The following RGS10 variants were observed in gnomAD, a reference collection of about 807,000 sequenced individuals.
RGS10 encodes regulator of G-protein signalling 10.
A neutral mutation model predicts 23.5 loss-of-function variants in RGS10; 11 were observed. That is an observed-to-expected ratio of 0.47 (90% CI 0.29 to 0.77). The LOEUF is 0.77. Ranked by LOEUF, RGS10 falls within the 30% of genes least tolerant of loss-of-function variation. The pLI is 0.08. For synonymous variants in RGS10, 77 were observed against 83.2 expected (o/e 0.92, Z 0.41); for missense variants, 180 against 226.3 (o/e 0.80, Z 1.31).
chr10:119,504,853 C>G (rs1015780381), intron 4 of RGS10, among the ~76,000 whole-genome samples: 8 of 152,192 alleles, frequency 5.3e-5, no homozygotes, highest in Non-Finnish European at 8.8e-5. Flanking sequence ...CGCCACCACC[C>G]ACCAGAGTCT....
chr10:119,503,967 T>A (rs1464647736), intron 4 of RGS10, among the ~76,000 whole-genome samples: 1 of 152,072 alleles, frequency 6.6e-6, no homozygotes, highest in African/African-American at 2.4e-5. Flanking sequence ...GTTCAGCCCA[T>A]AACAGTGAGC....
chr10:119,528,553 A>G (rs1197601100), intron 1 of RGS10, among the ~76,000 whole-genome samples: 1 of 152,172 alleles, frequency 6.6e-6, no homozygotes, highest in East Asian at 1.9e-4. Flanking sequence ...ATCTTTTAAA[A>G]CACTGCATTA....
intron 4 of RGS10, among the ~76,000 whole-genome samples, chr10:119,502,144 CA>C (rs1429612534): frequency 1.3e-5 from 2 of 151,168 alleles, no homozygotes; most frequent in Admixed American, 6.6e-5. Flanking sequence ...AAAAAAAAAA[CA>C]AACTTTTTTT....
Position 119,500,027 on chromosome 10 carries a change from A to T in RGS10, c.*86T>A, listed in dbSNP as rs1028632256. On this transcript the variant is annotated 3_prime_UTR_variant, in exon 5 of 5. Transcript: ENST00000369103. ...GGTTTTGTACATTTCAGTCCTTACA[A>T]ATAACAAAGCAATGATAAACCCGGC... 39 of 1,422,790 alleles carry T rather than the reference A, an allele frequency of 2.7e-5. No individual in the cohort carries two copies. The highest frequency in any genetic ancestry group is 1.9e-6 in the Non-Finnish European group (2 of 1,045,136). 88.1% of individuals were successfully genotyped at this position (1,422,790 alleles called of 1,614,324 possible).
intron 2 of RGS10, 94 bp from the exon 3 acceptor site, chr10:119,526,212 T>C (rs1391543383): frequency 4.8e-6 from 3 of 625,634 alleles, no homozygotes; most frequent in Non-Finnish European, 8.0e-6. Flanking sequence ...TTTGGCAAAA[T>C]TCAACAGAGG....
At chr10:119,511,878 C>T in intron 4 of RGS10, among the ~76,000 whole-genome samples, 1 of 152,084 alleles carries the variant, frequency 6.6e-6, no homozygotes, top group East Asian at 1.9e-4. Flanking sequence ...CCTCTTGCTG[C>T]TCATCACTCC....
chr10:119,504,880 C>G (rs765314827), intron 4 of RGS10, among the ~76,000 whole-genome samples: 1 of 152,210 alleles, frequency 6.6e-6, no homozygotes, highest in Non-Finnish European at 1.5e-5. Context: ...GAACAGGGCC[C>G]TGCCAACACC....
intron 4 of RGS10, among the ~76,000 whole-genome samples, chr10:119,511,132 CCAACGGCAGCCTTTGACT>C (rs755939851): frequency 5.8e-4 from 89 of 152,290 alleles, no homozygotes; most frequent in Non-Finnish European, 1.1e-3. Context: ...TTAAATTTGT[CCAACGGCAGCCTTTGACT>C]CTAGGCTAAC....
At chr10:119,520,324 C>A (rs544151261) in intron 3 of RGS10, among the ~76,000 whole-genome samples, 11 of 152,152 alleles carry the variant, frequency 7.2e-5, no homozygotes, top group African/African-American at 1.2e-4. Flanking sequence ...AAGCCAAGCC[C>A]CTGAACAGGT....
chr10:119,515,012 C>T (rs1844125724), intron 4 of RGS10, among the ~76,000 whole-genome samples: 1 of 152,184 alleles, frequency 6.6e-6, no homozygotes, highest in African/African-American at 2.4e-5. Flanking sequence ...GAATATGCTG[C>T]CCAATGCTAA....
At chr10:119,531,165 T>A (rs778489313) in intron 1 of RGS10, among the ~76,000 whole-genome samples, 1 of 152,214 alleles carries the variant, frequency 6.6e-6, no homozygotes, top group African/African-American at 2.4e-5. Context: ...TTCCACTAAT[T>A]TACTCTTCTG....
intron 4 of RGS10, among the ~76,000 whole-genome samples, chr10:119,507,467 C>G (rs752998486): frequency 6.6e-6 from 1 of 152,146 alleles, no homozygotes; most frequent in Non-Finnish European, 1.5e-5. Flanking sequence ...GCATTTTTCC[C>G]CTCTTACGTT....
intron 4 of RGS10, 132 bp from the exon 5 acceptor site, chr10:119,500,391 T>C (rs750626264): frequency 6.2e-6 from 5 of 812,286 alleles, no homozygotes; most frequent in Non-Finnish European, 9.2e-6. Context: ...CTAAGAAAGC[T>C]CAAATAAGTC....
In RGS10 at chr10:119,539,932, C is replaced by T. The variant is rs568455666; in HGVS notation, c.49+2658G>A. 3.2e-4 allele frequency among the ~76,000 whole-genome samples: 47 copies of T among 148,466 alleles called. No individual in the cohort carries two copies. The South Asian group carries it at 6.1e-3, about 19-fold the overall frequency. ...CTGAAGTTTATACAATTTGAGGATC[C>T]TCTTTAAGAAAAATAATTCAAAATT... On this transcript the variant is annotated intron_variant, in intron 1 of 4. Coordinates refer to ENST00000369103, the MANE Select transcript of RGS10 (RefSeq NM_001005339.2).
rs11199005 is a variant in RGS10, at chr10:119,536,517, G to A, written c.49+6073C>T. ...GTTCCACGCAGACCAACAATCCACT[G>A]CCTTCCCAGAGACGCCTTGTGTGAG... On this transcript the variant is annotated intron_variant, in intron 1 of 4. Transcript: ENST00000369103. 0.077 allele frequency: 123,371 copies of A among 1,607,164 alleles called. 5,368 individuals carry two copies. The highest frequency in any genetic ancestry group is 0.097 in the Middle Eastern group (590 of 6,052).
At chr10:119,526,224 G>T (rs2133956342) in intron 2 of RGS10, 106 bp from the exon 3 acceptor site, 1 of 560,908 alleles carries the variant, frequency 1.8e-6, no homozygotes, top group African/African-American at 1.9e-5. Context: ...CAACAGAGGA[G>T]CATGGTTCAG....
At position 119,527,336 on chromosome 10, in the gene RGS10, C is replaced by T; in HGVS notation, c.138G>A (p.Leu46=). ...ATCTTTTCACGCCTTCTGGGTCTTC[C>T]AGCAGATTCTCCAGGGATGCCGCCC... ...AKWAASLENL[L]EDPEGVKRFR... Residue 46 remains leucine, a synonymous_variant, in exon 2 of 5, where the codon CTG becomes CTA. Transcript: ENST00000369103. This position sits in a 1 kb window ranked among gnomAD's most constrained non-coding sequence, Gnocchi z 4.2. 7 of 1,614,082 alleles carry T rather than the reference C, an allele frequency of 4.3e-6. No homozygotes were observed. The highest frequency in any genetic ancestry group is 5.9e-6 in the Non-Finnish European group (7 of 1,179,928).
At chr10:119,514,887 C>G (rs1260873529) in intron 4 of RGS10, among the ~76,000 whole-genome samples, 2 of 152,148 alleles carry the variant, frequency 1.3e-5, no homozygotes, top group East Asian at 1.9e-4. Context: ...ATTCCACTCC[C>G]TTTCCCAGCG....
Position 119,538,725 on chromosome 10 carries a change from G to A in RGS10, c.49+3865C>T, listed in dbSNP as rs971316884. ...CTGCAAGGGACTGTCTCACTCCAGC[G>A]GATGCCGCCTGACAGCTCTTATCAA... On this transcript the variant is annotated intron_variant, in intron 1 of 4. Transcript: ENST00000369103. The surrounding 1 kb of genome is among the most constrained non-coding windows in gnomAD (Gnocchi z 4.5). Among the ~76,000 whole-genome samples, 3 of 152,146 alleles carry A rather than the reference G, an allele frequency of 2.0e-5. No homozygotes were observed. Among genetic ancestry groups the A allele is most frequent in the Non-Finnish European group, 4.4e-5 (3 of 68,032 alleles).
Sources: allele counts gnomAD v4.1 joint callset (sites outside exome capture counted in the v4.1 genomes callset), GRCh38; gene constraint gnomAD v4.1.1; non-coding constraint Gnocchi (gnomAD v3.1); transcripts MANE v1.5; gene names NCBI Gene and HGNC (gene_info 2026-07-23, HGNC 2026-07-21).